The following PPM1D variants were observed in gnomAD, a reference collection of about 807,000 sequenced individuals.
PPM1D encodes protein phosphatase 1D.
Under a neutral mutation model 58.3 loss-of-function variants are expected in PPM1D, and 52 were observed. The observed-to-expected ratio is 0.89, with a 90% CI of 0.71 to 1.12. The LOEUF (loss-of-function observed/expected upper bound fraction) is 1.12. PPM1D is among the 50% of genes most tolerant of loss of function. The probability of loss-of-function intolerance (pLI) is 0.00; values close to 1 mark genes in which losing one functional copy is unlikely to be tolerated. For missense variants in PPM1D, 564 were observed against 777.2 expected (o/e 0.73, Z 3.26); for synonymous variants, 278 against 285.1 (o/e 0.98, Z 0.25).
rs561298046 is a variant in PPM1D at position 60,632,899 on chromosome 17, G to A, written c.702-954G>A. ...GAATAATCGCTTGAACCCAGGAGGC[G>A]GAAGTTGCAGTGAGTCGAGATGGTG... On this transcript the variant is annotated intron_variant, in intron 2 of 5. Transcript: ENST00000305921. Among the ~76,000 whole-genome samples, 15 of 151,908 alleles carry A rather than the reference G, an allele frequency of 9.9e-5. No homozygotes were observed. The South Asian group carries it at 2.3e-3, about 23-fold the overall frequency.
intron 1 of PPM1D, among the ~76,000 whole-genome samples, chr17:60,620,844 A>G (rs962975396): frequency 6.6e-6 from 1 of 152,070 alleles, no homozygotes; most frequent in Non-Finnish European, 1.5e-5. Flanking sequence ...TTAAAAAAGT[A>G]ATTGCCAAGA....
intron 1 of PPM1D, among the ~76,000 whole-genome samples, chr17:60,602,173 T>G (rs893551697): frequency 1.3e-5 from 2 of 152,092 alleles, no homozygotes; most frequent in African/African-American, 4.8e-5. Context: ...GGGCCCCTCT[T>G]TATGGATTTA....
intron 3 of PPM1D, among the ~76,000 whole-genome samples, chr17:60,646,136 A>AG (rs2031247197): frequency 6.6e-6 from 1 of 152,184 alleles, no homozygotes; most frequent in South Asian, 2.1e-4. Context: ...TTCGTCAACC[A>AG]GGGAGCTTTG....
intron 3 of PPM1D, among the ~76,000 whole-genome samples, chr17:60,646,220 G>C (rs2031248741): frequency 6.6e-6 from 1 of 152,188 alleles, no homozygotes; most frequent in Non-Finnish European, 1.5e-5. Context: ...GTGCTTGCAT[G>C]TATTCTGTTT....
At chr17:60,604,560 T>C (rs941927108) in intron 1 of PPM1D, 2 of 152,182 alleles carry the variant, frequency 1.3e-5, no homozygotes, top group African/African-American at 2.4e-5. Context: ...TAAAAAGATA[T>C]GCAGCCTGGG....
chr17:60,648,385 C>T (rs112618975), intron 4 of PPM1D, among the ~76,000 whole-genome samples: 136 of 145,116 alleles, frequency 9.4e-4, no homozygotes, highest in African/African-American at 3.4e-3. Context: ...TAAAATTTAT[C>T]GTTTTTTTTT....
intron 1 of PPM1D, among the ~76,000 whole-genome samples, chr17:60,606,597 G>T (rs902538738): frequency 1.3e-5 from 2 of 151,928 alleles, no homozygotes; most frequent in Non-Finnish European, 2.9e-5. Flanking sequence ...AATGTGGACT[G>T]TCTTACATTT....
At chr17:60,639,555 C>T (rs1369973360) in intron 3 of PPM1D, among the ~76,000 whole-genome samples, 1 of 152,102 alleles carries the variant, frequency 6.6e-6, no homozygotes, top group South Asian at 2.1e-4. Flanking sequence ...CTTCTGCCTC[C>T]ATCTCCCAAG....
chr17:60,636,786 C>T (rs2031030807), intron 3 of PPM1D, among the ~76,000 whole-genome samples: 1 of 151,950 alleles, frequency 6.6e-6, no homozygotes, highest in Admixed American at 6.6e-5. Context: ...AGTGTTCCCC[C>T]AGCCTCAGCT....
intron 1 of PPM1D, among the ~76,000 whole-genome samples, chr17:60,622,369 T>A (rs2030725117): frequency 6.6e-6 from 1 of 152,234 alleles, no homozygotes; most frequent in Non-Finnish European, 1.5e-5. Flanking sequence ...TGTTGTGGAT[T>A]TATTTCTAAC....
intron 1 of PPM1D, among the ~76,000 whole-genome samples, chr17:60,614,020 G>GCGGGCCCAAGGGC (rs1555644812): frequency 5.9e-5 from 9 of 152,204 alleles, no homozygotes; most frequent in South Asian, 4.1e-4. Context: ...GCTGAGGAGT[G>GCGGGCCCAAGGGC]TGGGCGCAAG....
chr17:60,649,763 A>G (rs2031310897), intron 4 of PPM1D, among the ~76,000 whole-genome samples: 1 of 152,196 alleles, frequency 6.6e-6, no homozygotes, highest in South Asian at 2.1e-4. Context: ...GCAAAGGTAA[A>G]TAGAATATGG....
chr17:60,617,730 CA>C (rs2030614042), intron 1 of PPM1D, among the ~76,000 whole-genome samples: 1 of 151,970 alleles, frequency 6.6e-6, no homozygotes, highest in Non-Finnish European at 1.5e-5. Context: ...TTTCTGCCGG[CA>C]AAATTGATAC....
rs1271133647 is a variant in PPM1D, at chr17:60,663,156, TG to T, written c.1423del (p.Glu475LysfsTer8). 1.9e-6 allele frequency: 3 copies of T among 1,614,128 alleles called. No individual in the cohort carries two copies. Among genetic ancestry groups the T allele is most frequent in the Admixed American group, 1.7e-5 (1 of 60,020 alleles). On this transcript the variant is annotated frameshift_variant, in exon 6 of 6. Transcript: ENST00000305921. LOFTEE classifies it high-confidence loss of function. The part of the protein sequence containing the change: ...VIPSKDPEPL[E>X]ENCAKALTLR... Reference sequence around the variant, plus strand: ...TACCCTCAAAAGATCCAGAACCACTTGAAGAAAATTGCGCTAAAGCCCTGAC... The same window carrying T: ...TACCCTCAAAAGATCCAGAACCACTTAAGAAAATTGCGCTAAAGCCCTGAC...
intron 3 of PPM1D, among the ~76,000 whole-genome samples, chr17:60,644,053 A>G (rs1410540314): frequency 2.0e-5 from 3 of 150,566 alleles, no homozygotes; most frequent in Admixed American, 6.6e-5. Flanking sequence ...CTAATTTTGT[A>G]TTTTTAGTAG....
chr17:60,638,589 G>A (rs868012765), intron 3 of PPM1D, among the ~76,000 whole-genome samples: 3 of 152,102 alleles, frequency 2.0e-5, no homozygotes, highest in East Asian at 1.9e-4. Context: ...GGCTGGTCTC[G>A]AACTCCTGAC....
intron 2 of PPM1D, among the ~76,000 whole-genome samples, chr17:60,625,226 A>G (rs2030783920): frequency 6.6e-6 from 1 of 152,240 alleles, no homozygotes; most frequent in East Asian, 1.9e-4. Context: ...AAGTTTGAAC[A>G]ACAAAAAAAT....
intron 1 of PPM1D, among the ~76,000 whole-genome samples, chr17:60,619,802 GT>G (rs1397002561): frequency 6.6e-6 from 1 of 151,992 alleles, no homozygotes; most frequent in Non-Finnish European, 1.5e-5. Context: ...GTCTCGTTAT[GT>G]TGTCTATGCT....
intron 3 of PPM1D, among the ~76,000 whole-genome samples, chr17:60,642,741 G>A (rs2031160687): frequency 6.6e-6 from 1 of 152,084 alleles, no homozygotes; most frequent in Admixed American, 6.6e-5. Context: ...ACAGGCGTGA[G>A]CCACTGCCTC....
Sources: allele counts gnomAD v4.1 joint callset (sites outside exome capture counted in the v4.1 genomes callset), GRCh38; gene constraint gnomAD v4.1.1; transcripts MANE v1.5; gene names NCBI Gene and HGNC (gene_info 2026-07-23, HGNC 2026-07-21).